XRRA1: variants seen among roughly 807,000 people sequenced by gnomAD.
XRRA1 encodes X-ray radiation resistance associated 1, also known as X-ray radiation resistance-associated protein 1.
A neutral mutation model predicts 80.2 loss-of-function variants in XRRA1; 69 were observed. The observed-to-expected ratio is 0.86, with a 90% CI of 0.71 to 1.05. The LOEUF (loss-of-function observed/expected upper bound fraction) is 1.05, where lower values mean the gene tolerates loss of function less well. Among genes scored for constraint, XRRA1 ranks in the 50% least tolerant of loss-of-function variants. The probability of loss-of-function intolerance (pLI) is 0.00; values close to 1 mark genes in which losing one functional copy is unlikely to be tolerated. For missense variants in XRRA1, 967 were observed against 976.4 expected (o/e 0.99, Z 0.13); for synonymous variants, 348 against 389.9 (o/e 0.89, Z 1.27).
intron 10 of XRRA1, among the ~76,000 whole-genome samples, chr11:74,901,490 C>G (rs1191264389): frequency 6.6e-6 from 1 of 152,074 alleles, no homozygotes; most frequent in African/African-American, 2.4e-5. Context: ...CAAATCTATC[C>G]TGAGCAAAAA....
At chr11:74,848,756 G>A (rs1047431064) in intron 14 of XRRA1, among the ~76,000 whole-genome samples, 10 of 152,270 alleles carry the variant, frequency 6.6e-5, no homozygotes, top group Admixed American at 2.0e-4. Flanking sequence ...GTGATTTGGC[G>A]GTAGTGCCTG....
At chr11:74,928,352 T>C (rs972049776) in intron 6 of XRRA1, among the ~76,000 whole-genome samples, 3 of 152,210 alleles carry the variant, frequency 2.0e-5, no homozygotes, top group African/African-American at 7.2e-5. Context: ...GGCACCATAA[T>C]TTTGGGCTTC....
intron 12 of XRRA1, among the ~76,000 whole-genome samples, chr11:74,855,694 A>G (rs1054075665): frequency 6.6e-6 from 1 of 152,212 alleles, no homozygotes; most frequent in African/African-American, 2.4e-5. Context: ...TTGACACAAC[A>G]ATTTCTAGTG....
intron 2 of XRRA1, among the ~76,000 whole-genome samples, chr11:74,944,360 A>G (rs1376625355): frequency 6.6e-6 from 1 of 152,226 alleles, no homozygotes; most frequent in Non-Finnish European, 1.5e-5. Context: ...ACACGCACAC[A>G]CACATATCCT....
chr11:74,851,694 C>G (rs1320195793), intron 13 of XRRA1, among the ~76,000 whole-genome samples: 1 of 152,200 alleles, frequency 6.6e-6, no homozygotes, highest in Non-Finnish European at 1.5e-5. Flanking sequence ...TTAAAGAATT[C>G]CATATTCCAT....
At chr11:74,849,151 T>C (rs576126482) in intron 14 of XRRA1, among the ~76,000 whole-genome samples, 4 of 152,156 alleles carry the variant, frequency 2.6e-5, no homozygotes, top group East Asian at 1.9e-4. Flanking sequence ...CCCCTTTACA[T>C]AGTGGATTGT....
intron 2 of XRRA1, among the ~76,000 whole-genome samples, chr11:74,942,276 C>T (rs1946484428): frequency 6.6e-6 from 1 of 151,958 alleles, no homozygotes; most frequent in African/African-American, 2.4e-5. Context: ...CGAAAATAGG[C>T]CATGAGCAAG....
At chr11:74,945,841 T>C (rs1203691370) in intron 1 of XRRA1, among the ~76,000 whole-genome samples, 5 of 152,112 alleles carry the variant, frequency 3.3e-5, no homozygotes, top group Admixed American at 6.5e-5. Flanking sequence ...TTTTTGCTTG[T>C]TCCATTCCTT....
intron 7 of XRRA1, among the ~76,000 whole-genome samples, chr11:74,924,683 A>G (rs1941804227): frequency 6.6e-6 from 1 of 151,902 alleles, no homozygotes; most frequent in African/African-American, 2.4e-5. Context: ...AAATACAAAA[A>G]TTAGCTGGGT....
At chr11:74,874,201 G>C (rs1485240107) in intron 10 of XRRA1, among the ~76,000 whole-genome samples, 1 of 123,690 alleles carries the variant, frequency 8.1e-6, no homozygotes, top group African/African-American at 3.1e-5. Flanking sequence ...ACGCCACTGC[G>C]CTCCAGCCTG....
rs747088502 is a variant in XRRA1, at chr11:74,921,217, T to C, written c.653A>G (p.Glu218Gly). Residue 218 changes from glutamate to glycine, a missense_variant, in exon 8 of 19, where the codon GAA (glutamate) becomes GGA (glycine). Physicochemically the swap from Glu to Gly is moderately conservative, Grantham distance 98. Transcript: ENST00000684022. ...TSLPPNLAVA[E>G]QEASVTSLTS... ...GACTCCAGGAGGTAGAACTTACTGT[T>C]CTGCGACGGCCAAATTGGGCGGCAG... 5.0e-6 allele frequency: 8 copies of C among 1,613,836 alleles called. No homozygotes were observed. The South Asian group carries it at 7.7e-5, about 16-fold the overall frequency.
At chr11:74,897,738 T>G (rs538050941) in intron 10 of XRRA1, among the ~76,000 whole-genome samples, 4 of 150,738 alleles carry the variant, frequency 2.7e-5, no homozygotes, top group Middle Eastern at 3.4e-3. Flanking sequence ...AAAAAAACTT[T>G]AACCCCAGAA....
intron 10 of XRRA1, among the ~76,000 whole-genome samples, chr11:74,872,574 G>C (rs1415299704): frequency 6.6e-6 from 1 of 152,126 alleles, no homozygotes; most frequent in East Asian, 1.9e-4. Context: ...GGCACTTTAA[G>C]AAGGAGTGCC....
In XRRA1 at chr11:74,937,028, C is replaced by G. The variant is rs906091118; in HGVS notation, c.135G>C (p.Lys45Asn). The change falls in exon 4 of 19, where the codon AAG (lysine) becomes AAC (asparagine). Residue 45 changes from lysine to asparagine, a missense_variant. By Grantham distance (94) the Lys-to-Asn change is moderately conservative. Transcript: ENST00000684022. ...HWLVVQKGNL[K>N]KKPKGLVGAQ... ...CTCCAACCAAACCCTTGGGCTTCTT[C>G]TTGAGGTTACCTTTCTGAACCACTA... The G allele has an allele frequency of 5.6e-6, 9 of 1,613,908 alleles. No individual in the cohort carries two copies. The highest frequency in any genetic ancestry group is 7.6e-6 in the Non-Finnish European group (9 of 1,179,872).
At chr11:74,902,785 C>T (rs538368529) in intron 10 of XRRA1, among the ~76,000 whole-genome samples, 2 of 151,574 alleles carry the variant, frequency 1.3e-5, no homozygotes, top group South Asian at 4.2e-4. Flanking sequence ...ATAGTGGGGG[C>T]CTGGGGGAGA....
intron 7 of XRRA1, among the ~76,000 whole-genome samples, chr11:74,924,854 TAAAC>T (rs754929944): frequency 1.4e-3 from 213 of 152,306 alleles, no homozygotes; most frequent in African/African-American, 4.3e-3. Flanking sequence ...TTAATTAAAA[TAAAC>T]AAAGTTTTAT....
At chr11:74,855,642 G>C (rs748788976) in intron 12 of XRRA1, among the ~76,000 whole-genome samples, 7 of 152,080 alleles carry the variant, frequency 4.6e-5, no homozygotes, top group Admixed American at 2.0e-4. Context: ...TCACATTTAG[G>C]AACTAAGTAT....
At chr11:74,888,139 G>GACCCCCGAGTAGCCTAACTGGGAGGC (rs1300069514) in intron 10 of XRRA1, among the ~76,000 whole-genome samples, 2 of 152,196 alleles carry the variant, frequency 1.3e-5, no homozygotes, top group Admixed American at 1.3e-4. Context: ...GTGGGTCCCT[G>GACCCCCGAGTAGCCTAACTGGGAGGC]ACCCCCGAGT....
At chr11:74,852,696 T>C (rs1475907248) in intron 12 of XRRA1, among the ~76,000 whole-genome samples, 2 of 152,332 alleles carry the variant, frequency 1.3e-5, no homozygotes, top group Non-Finnish European at 1.5e-5. Context: ...CAGCCTGCAA[T>C]CGGTGGCTTA....
Sources: gnomAD v4.1 joint callset for allele counts (sites outside exome capture counted in the v4.1 genomes callset) on GRCh38, gnomAD v4.1.1 for gene constraint, MANE v1.5 for transcripts, NCBI Gene and HGNC (gene_info 2026-07-23, HGNC 2026-07-21) for gene names.